Variants in GPHN observed in about 807,000 individuals in gnomAD.
GPHN encodes the protein gephyrin.
A neutral mutation model predicts 95.5 loss-of-function variants in GPHN; 17 were observed. The observed-to-expected ratio is 0.18, with a 90% CI of 0.12 to 0.27. The LOEUF (loss-of-function observed/expected upper bound fraction) is 0.27, where lower values mean the gene tolerates loss of function less well. GPHN is among the 10% of genes least tolerant of loss of function. The probability of loss-of-function intolerance (pLI) is 1.00; values close to 1 mark genes in which losing one functional copy is unlikely to be tolerated. For missense variants in GPHN, 660 were observed against 978.1 expected, an observed-to-expected ratio of 0.67 and a Z score of 4.34; for synonymous variants, 320 against 322.5, an observed-to-expected ratio of 0.99 and a Z score of 0.08.
At chr14:67,684,356 G>A in the GPHN span, among the ~76,000 whole-genome samples, 191 of 152,236 alleles carry the variant, frequency 1.3e-3, no homozygotes, top group Middle Eastern at 0.024. Flanking sequence ...AAAATAATAT[G>A]GGAGAAGAAA....
chr14:67,180,763 C>T, intron 22 of GPHN, 41 bp from the exon 23 acceptor site: 3 of 1,604,496 alleles, frequency 1.9e-6, no homozygotes, highest in Non-Finnish European at 2.6e-6. Context: ...CTGTATACGC[C>T]ATGATGCTTA....
the GPHN span, among the ~76,000 whole-genome samples, chr14:67,697,901 A>C: frequency 6.6e-6 from 1 of 150,818 alleles, no homozygotes; most frequent in East Asian, 2.0e-4. Context: ...TGCTCTGTGC[A>C]AGACAATTAA....
the GPHN span, among the ~76,000 whole-genome samples, chr14:67,563,136 G>A: frequency 6.6e-6 from 1 of 152,236 alleles, no homozygotes; most frequent in Non-Finnish European, 1.5e-5. Flanking sequence ...ACCATACATT[G>A]AGCTGGGTGC....
Position 66,683,383 on chromosome 14 carries a change from C to CAT in GPHN, c.143+2207_143+2208dup, listed in dbSNP as rs1239319230. ...ATATATATATATATATATATATGTT[C>CAT]ATATATATATGTTCATATATATATA... On this transcript the variant is annotated intron_variant, in intron 2 of 22. Transcript: ENST00000478722. Among the ~76,000 whole-genome samples, 12 of 60,688 alleles carry CAT rather than the reference C, an allele frequency of 2.0e-4. 1 individual carries two copies. Among genetic ancestry groups the CAT allele is most frequent in the African/African-American group, 1.4e-3 (10 of 7,310 alleles). The allele number at this position is 60,688 out of a possible 152,430, so 39.8% of individuals were successfully genotyped here.
chr14:66,540,017 G>C (rs1481019967), intron 1 of GPHN, among the ~76,000 whole-genome samples: 1 of 152,180 alleles, frequency 6.6e-6, no homozygotes, highest in Admixed American at 6.5e-5. Flanking sequence ...GATTATAAAA[G>C]TAATACACAA....
At position 67,154,496 on chromosome 14, in the gene GPHN, G is replaced by A. The variant is rs545974861; in HGVS notation, c.1837-4919G>A. Among the ~76,000 whole-genome samples, 7 of 152,230 alleles carry A rather than the reference G, an allele frequency of 4.6e-5. No homozygotes were observed. The South Asian group carries it at 1.5e-3, about 32-fold the overall frequency. ...ATGTCTTTCTTCTGTACCATGAAAT[G>A]CGTAGCACATATGGAATTCCTAATA... On this transcript the variant is annotated intron_variant, in intron 18 of 22. Transcript: ENST00000478722.
intron 10 of GPHN, among the ~76,000 whole-genome samples, chr14:67,047,617 C>G (rs932741220): frequency 6.6e-6 from 1 of 152,144 alleles, no homozygotes; most frequent in African/African-American, 2.4e-5. Flanking sequence ...CCACCTGTGT[C>G]AGCCTCCCAA....
chr14:66,909,642 G>A lies in GPHN; in HGVS notation c.390-6361G>A, dbSNP rs116748052. 6.9e-3 allele frequency among the ~76,000 whole-genome samples: 1,044 copies of A among 152,030 alleles called. 5 individuals carry two copies. Among genetic ancestry groups the A allele is most frequent in the African/African-American group, 0.024 (996 of 41,534 alleles). ...GTTTATGAATAACGACTCTTAGCAAGCAATGATTCGAAGGGAACTTCCTTA... is the reference window on the plus strand; with the variant it reads ...GTTTATGAATAACGACTCTTAGCAAACAATGATTCGAAGGGAACTTCCTTA... On this transcript the variant is annotated intron_variant, in intron 5 of 22. Coordinates refer to ENST00000478722, the MANE Select transcript of GPHN (RefSeq NM_020806.5).
At chr14:67,596,348 CCTGGCTGG>C in the GPHN span, among the ~76,000 whole-genome samples, 1 of 115,394 alleles carries the variant, frequency 8.7e-6, no homozygotes, top group Non-Finnish European at 1.7e-5. Flanking sequence ...ACTATGTTGG[CCTGGCTGG>C]TCTCGAACTC....
chr14:67,010,469 G>A (rs747670614), intron 9 of GPHN, among the ~76,000 whole-genome samples: 16 of 150,446 alleles, frequency 1.1e-4, no homozygotes, highest in South Asian at 2.1e-4. Context: ...GAAGAGTGGC[G>A]TGAACCTGGG....
At chr14:67,138,235 T>A (rs767166159) in intron 17 of GPHN, among the ~76,000 whole-genome samples, 14 of 152,202 alleles carry the variant, frequency 9.2e-5, no homozygotes, top group Non-Finnish European at 1.6e-4. Context: ...GTTGTGAGAT[T>A]AACACATAGG....
chr14:66,600,870 TCTC>T (rs956369244), intron 1 of GPHN, among the ~76,000 whole-genome samples: 4 of 152,012 alleles, frequency 2.6e-5, no homozygotes, highest in South Asian at 4.1e-4. Flanking sequence ...GACTCAAAAT[TCTC>T]CTCCTCCTGC....
chr14:66,924,714 T>A (rs145284096), intron 8 of GPHN, among the ~76,000 whole-genome samples: 3 of 152,316 alleles, frequency 2.0e-5, no homozygotes, highest in African/African-American at 7.2e-5. Flanking sequence ...CTGTTTTGTC[T>A]TATGATTTTG....
At chr14:66,651,569 C>A (rs1425014345) in intron 1 of GPHN, among the ~76,000 whole-genome samples, 1 of 152,120 alleles carries the variant, frequency 6.6e-6, no homozygotes, top group East Asian at 1.9e-4. Context: ...TTGCCTTTGT[C>A]CTTGCTAGAA....
the GPHN span, chr14:67,445,968 A>C: frequency 4.2e-6 from 2 of 473,402 alleles, no homozygotes; most frequent in Non-Finnish European, 8.5e-6. Flanking sequence ...TTTGGAGTCT[A>C]GCCTGTAAGA....
intron 5 of GPHN, among the ~76,000 whole-genome samples, chr14:66,899,934 T>C: frequency 6.6e-6 from 1 of 152,018 alleles, no homozygotes; most frequent in South Asian, 2.1e-4. Flanking sequence ...TAAATTGAAT[T>C]TTCTTAAAAG....
the GPHN span, among the ~76,000 whole-genome samples, chr14:67,700,830 G>A: frequency 6.6e-6 from 1 of 151,884 alleles, no homozygotes; most frequent in Non-Finnish European, 1.5e-5. Flanking sequence ...TTTAAGACCA[G>A]GCTGGCTAGA....
At chr14:67,323,615 A>ATAT in the GPHN span, 1,856 of 260,284 alleles carry the variant, frequency 7.1e-3, 32 homozygotes, top group African/African-American at 0.035. Context: ...CCCTTAATCT[A>ATAT]ATATATATAT....
At chr14:67,648,244 G>T in the GPHN span, 1 of 1,530,838 alleles carries the variant, frequency 6.5e-7, no homozygotes, top group East Asian at 2.3e-5. Context: ...AGAGTCTCTT[G>T]CCTGCAAAGG....
Sources: allele counts gnomAD v4.1 joint callset (sites outside exome capture counted in the v4.1 genomes callset), GRCh38; gene constraint gnomAD v4.1.1; transcripts MANE v1.5; gene names NCBI Gene and HGNC (gene_info 2026-07-23, HGNC 2026-07-21).